CNKSR2: variants seen among roughly 807,000 people sequenced by gnomAD.
CNKSR2 encodes connector enhancer of kinase suppressor of Ras 2, also known as CNK homolog protein 2.
CNKSR2 carries 14 observed loss-of-function variants against 84.4 expected under a neutral mutation model. The observed-to-expected ratio is 0.17, with a 90% CI of 0.11 to 0.26. The LOEUF is 0.26. Ranked by LOEUF, CNKSR2 falls within the 10% of genes least tolerant of loss-of-function variation. The probability of loss-of-function intolerance (pLI) is 1.00; values close to 1 mark genes in which losing one functional copy is unlikely to be tolerated. For missense variants in CNKSR2, 485 were observed against 771.2 expected (o/e 0.63, Z 4.40); for synonymous variants, 275 against 277.9 (o/e 0.99, Z 0.10).
chrX:21,477,354 T>C (rs2091270616), intron 5 of CNKSR2, among the ~76,000 whole-genome samples: 1 of 112,100 alleles, frequency 8.9e-6, no homozygotes, highest in Non-Finnish European at 1.9e-5. Context: ...TCTAGTTATA[T>C]AGTACTTTAC....
chrX:21,509,109 A>G (rs951414534), intron 8 of CNKSR2, among the ~76,000 whole-genome samples: 5 of 112,214 alleles, frequency 4.5e-5, no homozygotes, highest in African/African-American at 1.6e-4. Flanking sequence ...TTATACACAC[A>G]CATTATATAT....
At chrX:21,384,922 C>A (rs995188638) in intron 1 of CNKSR2, among the ~76,000 whole-genome samples, 9 of 111,390 alleles carry the variant, frequency 8.1e-5, no homozygotes, top group Non-Finnish European at 1.1e-4. Context: ...GTTATTAACA[C>A]CTTTTTATAG....
At chrX:21,562,214 T>G (rs1165987915) in intron 12 of CNKSR2, among the ~76,000 whole-genome samples, 1 of 110,669 alleles carries the variant, frequency 9.0e-6, no homozygotes, top group African/African-American at 3.3e-5. Flanking sequence ...TGATCAAGTG[T>G]GGGTATGGTG....
intron 20 of CNKSR2, among the ~76,000 whole-genome samples, chrX:21,646,074 C>G (rs1176938602): frequency 9.0e-6 from 1 of 111,264 alleles, no homozygotes; most frequent in Non-Finnish European, 1.9e-5. Context: ...CCTGGCATCT[C>G]AGTCCCTCGT....
intron 13 of CNKSR2, among the ~76,000 whole-genome samples, chrX:21,576,399 G>C (rs2147220029): frequency 9.0e-6 from 1 of 111,283 alleles, no homozygotes; most frequent in East Asian, 2.8e-4. Context: ...GAAATTTATA[G>C]CCCTAAATGC....
chrX:21,642,325 G>C (rs754214276), intron 20 of CNKSR2: 1 of 747,607 alleles, frequency 1.3e-6, no homozygotes, highest in East Asian at 1.5e-4. Flanking sequence ...CTTGGCACTT[G>C]TATACAAGTG....
chrX:21,592,536 G>C (rs1001320925), intron 15 of CNKSR2: 1 of 111,543 alleles, frequency 9.0e-6, no homozygotes, highest in Admixed American at 9.5e-5. Context: ...AGCCATGATT[G>C]CACCACTGCA....
intron 2 of CNKSR2, chrX:21,428,640 T>C (rs1395319817): frequency 9.0e-6 from 1 of 111,213 alleles, no homozygotes; most frequent in Non-Finnish European, 1.9e-5. Context: ...TAAAAATATA[T>C]ATATAGCTTA....
chrX:21,542,732 G>T (rs2091987118), intron 11 of CNKSR2, among the ~76,000 whole-genome samples: 1 of 111,596 alleles, frequency 9.0e-6, no homozygotes, highest in African/African-American at 3.3e-5. Flanking sequence ...TCCCTTTGTG[G>T]CCATGAATGG....
intron 5 of CNKSR2, among the ~76,000 whole-genome samples, chrX:21,487,338 G>A (rs1295506123): frequency 1.8e-5 from 2 of 111,845 alleles, no homozygotes; most frequent in Non-Finnish European, 3.8e-5. Flanking sequence ...AACTACCAGT[G>A]CCTGAATAGG....
chrX:21,550,782 T>C (rs1305322320), intron 11 of CNKSR2, among the ~76,000 whole-genome samples: 1 of 111,132 alleles, frequency 9.0e-6, no homozygotes, highest in African/African-American at 3.3e-5. Context: ...ACGCCTGTAA[T>C]CACAGTACTT....
rs763097370 is a variant in CNKSR2 at position 21,375,365 on chromosome X, C to T, written c.64+404C>T. ...GTCGCCCTTTCCTGGCCCCTTTGTT[C>T]CTGGGAAAGCTGACGCCCCCTCGGC... On this transcript the variant is annotated intron_variant, in intron 1 of 21. Coordinates refer to ENST00000379510, the MANE Select transcript of CNKSR2 (RefSeq NM_014927.5). Among the ~76,000 whole-genome samples the T allele has an allele frequency of 2.1e-4, 24 of 112,556 alleles. 1 individual carries two copies.
chrX:21,424,113 T>G (rs368644223), intron 1 of CNKSR2: 39 of 111,426 alleles, frequency 3.5e-4, no homozygotes, highest in African/African-American at 1.2e-3. Context: ...GAGCTTTAAT[T>G]TCTTCACTTC....
intron 8 of CNKSR2, among the ~76,000 whole-genome samples, chrX:21,509,764 G>A (rs1253328649): frequency 2.7e-5 from 3 of 111,430 alleles, no homozygotes; most frequent in South Asian, 3.8e-4. Context: ...GATGGATTTC[G>A]TAGATTGGTA....
chrX:21,606,527 C>T, intron 18 of CNKSR2: 1 of 273,638 alleles, frequency 3.7e-6, no homozygotes, highest in African/African-American at 2.8e-5. Flanking sequence ...TTCTTTTTAA[C>T]TCTCTAAAAT....
intron 20 of CNKSR2, among the ~76,000 whole-genome samples, chrX:21,630,431 A>G (rs1347246526): frequency 1.8e-5 from 2 of 112,084 alleles, no homozygotes; most frequent in Non-Finnish European, 3.8e-5. Flanking sequence ...GTCAGGCACT[A>G]TTCTAAGGTC....
At position 21,441,036 on chromosome X, in the gene CNKSR2, A is replaced by T. The variant is rs975999991; in HGVS notation, c.519+255A>T. 8.3e-5 allele frequency: 16 copies of T among 193,245 alleles called. 1 individual carries two copies. The highest frequency in any genetic ancestry group is 1.3e-4 in the Non-Finnish European group (14 of 105,915). The allele number at this position is 193,245 out of a possible 1,213,427, so 15.9% of individuals were successfully genotyped here. A position where few individuals can be genotyped will look rare whatever the true frequency, so the allele number is the denominator to read the frequency against. ...ATGTGCCTAATAGCTTTTAACAGTGATCTAATTACCTGAACTGATTTTCCA... is the reference window on the plus strand; with the variant it reads ...ATGTGCCTAATAGCTTTTAACAGTGTTCTAATTACCTGAACTGATTTTCCA... On this transcript the variant is annotated intron_variant, in intron 4 of 21. Coordinates refer to ENST00000379510, the MANE Select transcript of CNKSR2 (RefSeq NM_014927.5).
At chrX:21,482,273 A>T (rs1256170871) in intron 5 of CNKSR2, among the ~76,000 whole-genome samples, 2 of 112,260 alleles carry the variant, frequency 1.8e-5, no homozygotes, top group Non-Finnish European at 3.8e-5. Flanking sequence ...TATTTATTAT[A>T]AATACTTTTT....
chrX:21,432,267 G>A (rs1338215924), intron 2 of CNKSR2, among the ~76,000 whole-genome samples: 1 of 111,559 alleles, frequency 9.0e-6, no homozygotes, highest in East Asian at 2.8e-4. Context: ...AATAATTGTT[G>A]ATAATAATTA....
Sources: allele counts gnomAD v4.1 joint callset (sites outside exome capture counted in the v4.1 genomes callset), GRCh38; gene constraint gnomAD v4.1.1; transcripts MANE v1.5; gene names NCBI Gene and HGNC (gene_info 2026-07-23, HGNC 2026-07-21).